The following CACNG4 variants were observed in gnomAD, a reference collection of about 807,000 sequenced individuals.
CACNG4 encodes calcium voltage-gated channel auxiliary subunit gamma 4.
A neutral mutation model predicts 22.9 loss-of-function variants in CACNG4; 8 were observed. That is an observed-to-expected ratio of 0.35 (90% CI 0.21 to 0.63). The LOEUF (loss-of-function observed/expected upper bound fraction) is 0.63. Among genes scored for constraint, CACNG4 ranks in the 30% least tolerant of loss-of-function variants. CACNG4 has a pLI of 0.72. For missense variants in CACNG4, 357 were observed against 455.4 expected (o/e 0.78, Z 1.97); for synonymous variants, 188 against 191.9 (o/e 0.98, Z 0.17).
At chr17:67,029,194 T>A (rs1020238791) in intron 3 of CACNG4, among the ~76,000 whole-genome samples, 5 of 151,976 alleles carry the variant, frequency 3.3e-5, no homozygotes, top group Non-Finnish European at 5.9e-5. Context: ...TACCCAGGCA[T>A]GGTGGTGCGT....
In CACNG4 at chr17:67,029,582, C is replaced by T. The variant is rs186827364; in HGVS notation, c.446-884C>T. 1.9e-3 allele frequency among the ~76,000 whole-genome samples: 294 copies of T among 151,486 alleles called. 3 individuals are homozygous for T. The highest frequency in any genetic ancestry group is 0.012 in the South Asian group (57 of 4,746). ...CCGGGAGGCGGAGGTTGCAGTGAGC[C>T]GAGATCGCGCCACTGCACTCCAACC... On this transcript the variant is annotated intron_variant, in intron 3 of 3. Transcript: ENST00000262138.
At chr17:67,007,468 T>C (rs955493891) in intron 1 of CACNG4, among the ~76,000 whole-genome samples, 4 of 152,216 alleles carry the variant, frequency 2.6e-5, no homozygotes, top group African/African-American at 4.8e-5. Context: ...TTTAGCCTTC[T>C]CAAGGTTTCT....
intron 1 of CACNG4, among the ~76,000 whole-genome samples, chr17:66,992,218 A>C (rs1334255030): frequency 2.0e-5 from 3 of 151,842 alleles, no homozygotes; most frequent in Non-Finnish European, 4.4e-5. Flanking sequence ...TTGCCCCACC[A>C]AGTCAGCACC....
intron 1 of CACNG4, among the ~76,000 whole-genome samples, chr17:66,981,439 G>C (rs1186792091): frequency 2.6e-5 from 4 of 151,552 alleles, no homozygotes; most frequent in Non-Finnish European, 5.9e-5. Context: ...GTTCTTCTTT[G>C]GTCTACCCAT....
At chr17:66,973,576 G>A (rs1416246504) in intron 1 of CACNG4, among the ~76,000 whole-genome samples, 1 of 152,198 alleles carries the variant, frequency 6.6e-6, no homozygotes, top group African/African-American at 2.4e-5. Flanking sequence ...CAAAGGTTGG[G>A]CAACACACAG....
At chr17:66,980,147 C>T (rs530604430) in intron 1 of CACNG4, among the ~76,000 whole-genome samples, 1 of 152,298 alleles carries the variant, frequency 6.6e-6, no homozygotes, top group Admixed American at 6.5e-5. Context: ...CCACTTCTGA[C>T]TTATAACCAA....
intron 3 of CACNG4, 132 bp downstream of exon 3, chr17:67,025,132 G>T: frequency 1.2e-6 from 1 of 819,658 alleles, no homozygotes; most frequent in Non-Finnish European, 1.7e-6. Context: ...ACATGCAACT[G>T]ACTTGTAAAG....
At chr17:66,977,046 G>A (rs2035242089) in intron 1 of CACNG4, among the ~76,000 whole-genome samples, 1 of 152,026 alleles carries the variant, frequency 6.6e-6, no homozygotes, top group South Asian at 2.1e-4. Flanking sequence ...CAGGCCTATG[G>A]GCTCCACCTC....
At chr17:66,994,414 G>A (rs777054527) in intron 1 of CACNG4, among the ~76,000 whole-genome samples, 7 of 151,806 alleles carry the variant, frequency 4.6e-5, no homozygotes, top group Non-Finnish European at 8.8e-5. Flanking sequence ...TCAGGACCTC[G>A]CGTGTTTGCC....
intron 1 of CACNG4, among the ~76,000 whole-genome samples, chr17:67,008,905 C>A (rs1489430478): frequency 6.6e-6 from 1 of 152,000 alleles, no homozygotes; most frequent in Non-Finnish European, 1.5e-5. Flanking sequence ...GCCGAGATCG[C>A]GCCACTTCAC....
intron 3 of CACNG4, among the ~76,000 whole-genome samples, chr17:67,029,684 T>G (rs1009769235): frequency 4.6e-5 from 7 of 152,060 alleles, no homozygotes; most frequent in Non-Finnish European, 1.0e-4. Flanking sequence ...ATGTAAAGTC[T>G]GAAGTAATGT....
intron 1 of CACNG4, among the ~76,000 whole-genome samples, chr17:67,006,555 A>G (rs1051458791): frequency 1.2e-4 from 18 of 151,954 alleles, no homozygotes; most frequent in African/African-American, 4.1e-4. Context: ...AGTACTACTT[A>G]CTCTGTGTGA....
Position 67,000,573 on chromosome 17 carries a change from T to C in CACNG4, c.221-17616T>C, listed in dbSNP as rs527391291. Among the ~76,000 whole-genome samples, 10 of 152,142 alleles carry C rather than the reference T, an allele frequency of 6.6e-5. No homozygotes were observed. In the East Asian group the frequency reaches 1.9e-3, roughly 30 times the overall value. ...CTGCTCTGGGACATGGATCCTGCCA[T>C]GTGGGCATGGTCTCTGGGACTGACC... On this transcript the variant is annotated intron_variant, in intron 1 of 3. Coordinates refer to ENST00000262138, the MANE Select transcript of CACNG4 (RefSeq NM_014405.4).
chr17:66,996,180 C>T (rs534219864), intron 1 of CACNG4, among the ~76,000 whole-genome samples: 2 of 152,054 alleles, frequency 1.3e-5, no homozygotes, highest in Non-Finnish European at 2.9e-5. Flanking sequence ...CTCTCTGCTC[C>T]GTGGTTGGGC....
At position 67,024,979 on chromosome 17, in the gene CACNG4, G is replaced by A. The variant is rs778475274; in HGVS notation, c.424G>A (p.Gly142Ser). The change falls in exon 3 of 4, where the codon GGC (glycine) becomes AGC (serine). Residue 142 changes from glycine to serine, a missense_variant. By Grantham distance (56) the Gly-to-Ser change is moderately conservative. This residue lies in a region of CACNG4 where 240 missense variants were observed against 277.6 expected (regional missense o/e 0.86). Coordinates refer to ENST00000262138, the MANE Select transcript of CACNG4 (RefSeq NM_014405.4). ...SRKNNIVLSA[G>S]ILFVAAGLSN... ...CAAGAACAACATCGTCCTCAGTGCC[G>A]GCATCCTCTTCGTGGCTGCAGGTGA... 48 of 1,598,494 alleles carry A rather than the reference G, an allele frequency of 3.0e-5. No homozygotes were observed. The highest frequency in any genetic ancestry group is 3.6e-5 in the Non-Finnish European group (42 of 1,174,386).
At position 66,967,653 on chromosome 17, in the gene CACNG4, C is replaced by T. The variant is rs540054361; in HGVS notation, c.220+2522C>T. Among the ~76,000 whole-genome samples, 301 of 152,258 alleles carry T rather than the reference C, an allele frequency of 2.0e-3. 1 individual carries two copies. Among genetic ancestry groups the T allele is most frequent in the Middle Eastern group, 3.4e-3 (1 of 294 alleles). On this transcript the variant is annotated intron_variant, in intron 1 of 3. Coordinates refer to ENST00000262138, the MANE Select transcript of CACNG4 (RefSeq NM_014405.4). ...TGTTCTCTAGAAAAGTATTCCAAAG[C>T]ATTACCTCCAAAGCAAAATGAACAG...
intron 1 of CACNG4, among the ~76,000 whole-genome samples, chr17:67,002,641 T>TCTCTCC (rs2035415366): frequency 6.6e-6 from 1 of 151,444 alleles, no homozygotes. Flanking sequence ...TCTCTCTCTC[T>TCTCTCC]CTCTCCATCC....
chr17:66,994,339 A>C (rs9910562), intron 1 of CACNG4, among the ~76,000 whole-genome samples: 28,895 of 151,216 alleles, frequency 0.19, 4,624 homozygotes, highest in African/African-American at 0.44. Flanking sequence ...AAAAAAAAAA[A>C]AAAAAACTGC....
At chr17:67,029,906 T>C (rs1053623774) in intron 3 of CACNG4, among the ~76,000 whole-genome samples, 1 of 152,206 alleles carries the variant, frequency 6.6e-6, no homozygotes, top group Non-Finnish European at 1.5e-5. Context: ...GTTGTACCCA[T>C]GTGCACATGT....
Sources: gnomAD v4.1 joint callset for allele counts (sites outside exome capture counted in the v4.1 genomes callset) on GRCh38, gnomAD v4.1.1 for gene constraint, gnomAD v4.1.1 regional missense constraint, MANE v1.5 for transcripts, NCBI Gene and HGNC (gene_info 2026-07-23, HGNC 2026-07-21) for gene names.